Variants in PER1 observed in about 807,000 individuals in gnomAD.
PER1 encodes period circadian protein homolog 1.
PER1 carries 87 observed loss-of-function variants against 125.9 expected under a neutral mutation model. That is an observed-to-expected ratio of 0.69 (90% confidence interval 0.58 to 0.83). The LOEUF (loss-of-function observed/expected upper bound fraction) is 0.83. Ranked by LOEUF, PER1 falls within the 40% of genes least tolerant of loss-of-function variation. The probability of loss-of-function intolerance (pLI) is 0.00; values close to 1 mark genes in which losing one functional copy is unlikely to be tolerated. For synonymous variants in PER1, 801 were observed against 714.7 expected, an observed-to-expected ratio of 1.12 and a Z score of -1.93; for missense variants, 1,775 against 1,722.8, an observed-to-expected ratio of 1.03 and a Z score of -0.54.
Position 8,149,461 on chromosome 17 carries a change from C to G in PER1, c.853+1G>C. ...CTCCCCACAGCGCTTGGGCACCTCA[C>G]CTGCTGAGGCCCCTGTGCCCCAGGT... On this transcript the variant is annotated splice_donor_variant, in intron 6 of 22. Coordinates refer to ENST00000317276, the MANE Select transcript of PER1 (RefSeq NM_002616.3). LOFTEE classifies it high-confidence loss of function. The G allele has an allele frequency of 6.2e-7, 1 of 1,611,950 alleles. No individual in the cohort carries two copies. The highest frequency in any genetic ancestry group is 8.5e-7 in the Non-Finnish European group (1 of 1,178,420).
intron 18 of PER1, chr17:8,144,292 T>C: frequency 2.5e-6 from 1 of 401,720 alleles, no homozygotes; most frequent in Non-Finnish European, 4.4e-6. Flanking sequence ...GAGTGAAGAG[T>C]GGGGCTGGAA....
In PER1 at chr17:8,143,274, C is replaced by T. The variant is rs1309735303; in HGVS notation, c.3064G>A (p.Ala1022Thr). The T allele has an allele frequency of 6.5e-6, 10 of 1,547,264 alleles. No individual in the cohort carries two copies. The East Asian group carries it at 2.3e-4, about 35-fold the overall frequency. The stretch of plus-strand genomic sequence containing the variant: ...CAGGGGTCAGTGCTCACCAGTCTGG[C>T]CTCTGGCTCAGCAGCCTCCGCACTG... ...PPSAEAAEPE[A>T]RLAEVTESSN... The change falls in exon 19 of 23, where the codon GCC (alanine) becomes ACC (threonine). Residue 1022 changes from alanine (A) to threonine (T), a missense_variant. Ala to Thr is a moderately conservative substitution (Grantham distance 58). Transcript: ENST00000317276.
chr17:8,142,277 C>G lies in PER1; in HGVS notation c.3441G>C (p.Val1147=), dbSNP rs533098591. The change falls in exon 21 of 23, where the codon GTG becomes GTC. Residue 1147 remains valine, a synonymous_variant. Coordinates refer to ENST00000317276, the MANE Select transcript of PER1 (RefSeq NM_002616.3). ...ADQRVMMTYQ[V]PSRDMTSVLK... is the part of the protein sequence containing the mutation. Reference sequence around the variant, plus strand: ...CCTCTGAAATGCCTCACCTGGAGGGCACCTGGTAGGTCATCATGACGCGCT... The same window carrying G: ...CCTCTGAAATGCCTCACCTGGAGGGGACCTGGTAGGTCATCATGACGCGCT... 2 of 1,593,826 alleles carry G rather than the reference C, an allele frequency of 1.3e-6. No individual in the cohort carries two copies. The highest frequency in any genetic ancestry group is 4.5e-5 in the East Asian group (2 of 44,678).
intron 18 of PER1, 179 bp from the exon 19 acceptor site, chr17:8,144,055 G>C (rs1982269356): frequency 1.1e-6 from 1 of 942,500 alleles, no homozygotes; most frequent in South Asian, 1.9e-5. Context: ...AATCACAGGA[G>C]CCAGGGACAA....
chr17:8,147,122 A>G, intron 13 of PER1, 120 bp from the exon 14 acceptor site: 1 of 1,410,996 alleles, frequency 7.1e-7, no homozygotes, highest in Non-Finnish European at 9.8e-7. Flanking sequence ...TGGGAGCAGG[A>G]CAAGAAGGAA....
intron 10 of PER1, 23 bp downstream of exon 10, chr17:8,147,974 C>A (rs755053357): frequency 6.3e-6 from 10 of 1,599,168 alleles, no homozygotes; most frequent in Non-Finnish European, 8.5e-6. Flanking sequence ...GTGGGAAGGG[C>A]GAGCAGGGCG....
rs1982623061 is a variant in PER1 at position 8,148,735 on chromosome 17, G to A, written c.957C>T (p.Thr319=). The change falls in exon 8 of 23, where the codon ACC becomes ACT. Residue 319 remains threonine, a synonymous_variant. Coordinates refer to ENST00000317276, the MANE Select transcript of PER1 (RefSeq NM_002616.3). ...PGPRYQPFRL[T]PYVTKIRVSD... is the part of the protein sequence containing the mutation. ...AGACCCGGATCTTGGTCACATACGG[G>A]GTTAGGCGGAATGGCTGGTACCGAG... is the stretch of plus-strand genomic sequence containing the variant. 1 of 1,613,922 alleles carries A rather than the reference G, an allele frequency of 6.2e-7. No individual in the cohort carries two copies. Among genetic ancestry groups the A allele is most frequent in the Admixed American group, 1.7e-5 (1 of 59,958 alleles).
Position 8,141,956 on chromosome 17 carries a change from C to G in PER1, c.3450-1G>C. 1 of 1,613,890 alleles carries G rather than the reference C, an allele frequency of 6.2e-7. No homozygotes were observed. Among genetic ancestry groups the G allele is most frequent in the African/African-American group, 1.3e-5 (1 of 75,050 alleles). ...CTGCTTCAGCACAGAGGTCATGTCC[C>G]TGCCCAAGAAGGGGTTCAGAAGGCA... On this transcript the variant is annotated splice_acceptor_variant, in intron 21 of 22. Coordinates refer to ENST00000317276, the MANE Select transcript of PER1 (RefSeq NM_002616.3). LOFTEE classifies it high-confidence loss of function.
chr17:8,147,444 C>T (rs1440132938), intron 12 of PER1, 26 bp downstream of exon 12: 1 of 1,613,004 alleles, frequency 6.2e-7, no homozygotes, highest in Admixed American at 1.7e-5. Context: ...TTCTCACCTC[C>T]CAGGCTCCCT....
chr17:8,147,044 C>T lies in PER1; in HGVS notation c.1630-42G>A, dbSNP rs758692335. Reference sequence around the variant, plus strand: ...CACAGTGAGCAGAACCAGGGGGTGTCGCCAGTGTCAGGGGCCAAGGGCACA... The same window carrying T: ...CACAGTGAGCAGAACCAGGGGGTGTTGCCAGTGTCAGGGGCCAAGGGCACA... On this transcript the variant is annotated intron_variant, in intron 13 of 22. Coordinates refer to ENST00000317276, the MANE Select transcript of PER1 (RefSeq NM_002616.3). 8.4e-6 allele frequency: 13 copies of T among 1,546,980 alleles called. No individual in the cohort carries two copies. The East Asian group carries it at 1.3e-4, about 16-fold the overall frequency.
chr17:8,149,980 G>A lies in PER1; in HGVS notation c.520C>T (p.Gln174Ter). The A allele has an allele frequency of 6.2e-7, 1 of 1,613,526 alleles. No homozygotes were observed. The highest frequency in any genetic ancestry group is 8.5e-7 in the Non-Finnish European group (1 of 1,179,506). Residue 174 changes from glutamine to a stop codon, truncating the protein, a stop_gained, in exon 4 of 23, where the codon CAG (glutamine) becomes TAG (stop). Coordinates refer to ENST00000317276, the MANE Select transcript of PER1 (RefSeq NM_002616.3). LOFTEE classifies it high-confidence loss of function. ...TLQYALACVK[Q>*]VQANQEYYQQ... ...GGGACACACCACTTACCCTGCACCT[G>A]CTTGACACAGGCCAGTGCGTACTGC...
intron 21 of PER1, 27 bp downstream of exon 21, chr17:8,142,242 G>T (rs372919739): frequency 1.3e-6 from 2 of 1,546,772 alleles, no homozygotes; most frequent in Non-Finnish European, 1.8e-6. Flanking sequence ...TGAAAGGAAG[G>T]CCAAGAAGGC....
rs776165601 is a variant in PER1 at position 8,149,435 on chromosome 17, C to A, written c.853+27G>T. 1.2e-5 allele frequency: 20 copies of A among 1,609,518 alleles called. No homozygotes were observed. The East Asian group carries it at 4.0e-4, about 32-fold the overall frequency. ...CAGGAATTTCCTGGGACTGCTCATG[C>A]CTCCCCACAGCGCTTGGGCACCTCA... On this transcript the variant is annotated intron_variant, in intron 6 of 22. Coordinates refer to ENST00000317276, the MANE Select transcript of PER1 (RefSeq NM_002616.3).
chr17:8,142,231 C>T (rs1314144432), intron 21 of PER1, 38 bp downstream of exon 21: 3 of 1,522,626 alleles, frequency 2.0e-6, no homozygotes, highest in Non-Finnish European at 2.7e-6. Flanking sequence ...ACTACTACCT[C>T]TGAAAGGAAG....
intron 18 of PER1, 118 bp downstream of exon 18, chr17:8,144,633 G>C (rs1352491993): frequency 1.5e-6 from 2 of 1,371,480 alleles, no homozygotes; most frequent in East Asian, 2.5e-5. Context: ...GGGCCTAGTG[G>C]TGGAAGCAAC....
chr17:8,150,060 A>G lies in PER1; in HGVS notation c.440T>C (p.Leu147Pro). 1 of 1,614,206 alleles carries G rather than the reference A, an allele frequency of 6.2e-7. No individual in the cohort carries two copies. The highest frequency in any genetic ancestry group is 8.5e-7 in the Non-Finnish European group (1 of 1,180,040). The change falls in exon 4 of 23, where the codon CTT becomes CCT. Residue 147 changes from leucine to proline, a missense_variant. Coordinates refer to ENST00000317276, the MANE Select transcript of PER1 (RefSeq NM_002616.3). ...GCCCCGGCGCTCTGGCGGCAGTCGA[A>G]GCTTGAGCTCTCGAAGTGCTGTCAT... ...ELMTALRELK[L>P]RLPPERRGKG...
chr17:8,142,320 A>G lies in PER1; in HGVS notation c.3398T>C (p.Leu1133Pro), dbSNP rs1982132863. ...KYVLQDPIWL[L>P]MANADQRVMM... ...GACGCGCTGGTCAGCATTGGCCATG[A>G]GCAGCCAAATGGGATCCTGGAGCAC... Residue 1133 changes from leucine to proline, a missense_variant, in exon 21 of 23, where the codon CTC (leucine) becomes CCC (proline). Transcript: ENST00000317276. The G allele has an allele frequency of 6.2e-7, 1 of 1,613,036 alleles. No individual in the cohort carries two copies. Among genetic ancestry groups the G allele is most frequent in the Admixed American group, 1.7e-5 (1 of 59,830 alleles).
intron 1 of PER1, among the ~76,000 whole-genome samples, chr17:8,151,872 G>A (rs1982881097): frequency 6.6e-6 from 1 of 152,212 alleles, no homozygotes; most frequent in Non-Finnish European, 1.5e-5. Flanking sequence ...AGCGCCAGGG[G>A]AAAAGGGAAG....
chr17:8,142,059 C>G, intron 21 of PER1, 104 bp from the exon 22 acceptor site: 1 of 1,473,316 alleles, frequency 6.8e-7, no homozygotes, highest in South Asian at 1.2e-5. Flanking sequence ...ACCTCATGCT[C>G]CTCCCCTAAA....
Sources: allele counts gnomAD v4.1 joint callset (sites outside exome capture counted in the v4.1 genomes callset), GRCh38; gene constraint gnomAD v4.1.1; transcripts MANE v1.5; gene names NCBI Gene and HGNC (gene_info 2026-07-23, HGNC 2026-07-21).